FARS2: variants seen among roughly 807,000 people sequenced by gnomAD.
The protein encoded by FARS2 is phenylalanyl-tRNA synthetase 2, mitochondrial.
FARS2 carries 40 observed loss-of-function variants against 46.4 expected under a neutral mutation model. That is an observed-to-expected ratio of 0.86 (90% CI 0.67 to 1.12). FARS2 has a LOEUF of 1.12. Ranked by LOEUF, FARS2 falls within the 50% of genes most tolerant of loss-of-function variation. The pLI, the probability that FARS2 is intolerant of heterozygous loss-of-function variation, is 0.00. For missense variants in FARS2, 513 were observed against 567.9 expected (o/e 0.90, Z 0.98); for synonymous variants, 234 against 214.9 (o/e 1.09, Z -0.78).
intron 1 of FARS2, among the ~76,000 whole-genome samples, chr6:5,352,780 T>G (rs1411011790): frequency 6.6e-6 from 1 of 152,100 alleles, no homozygotes; most frequent in Non-Finnish European, 1.5e-5. Flanking sequence ...TAATTTTTAT[T>G]TTTATTTTAA....
intron 6 of FARS2, among the ~76,000 whole-genome samples, chr6:5,753,560 A>G (rs1036620344): frequency 2.0e-5 from 3 of 152,146 alleles, no homozygotes; most frequent in African/African-American, 4.8e-5. Context: ...TCAGTAACCC[A>G]GCCTCTCTTG....
At chr6:5,506,362 AG>A (rs1238706358) in intron 4 of FARS2, among the ~76,000 whole-genome samples, 1 of 152,224 alleles carries the variant, frequency 6.6e-6, no homozygotes, top group East Asian at 1.9e-4. Context: ...AGCAGAATAG[AG>A]GAACCCCACT....
chr6:5,722,353 T>A (rs537198288), intron 6 of FARS2, among the ~76,000 whole-genome samples: 1 of 152,220 alleles, frequency 6.6e-6, no homozygotes, highest in East Asian at 1.9e-4. Flanking sequence ...AGATATACAG[T>A]TTGACATAGA....
intron 4 of FARS2, among the ~76,000 whole-genome samples, chr6:5,436,656 A>G (rs909493742): frequency 1.3e-5 from 2 of 152,210 alleles, no homozygotes; most frequent in African/African-American, 4.8e-5. Context: ...GGATCAGTAG[A>G]GACTTCATAA....
chr6:5,421,479 T>C (rs1428943726), intron 3 of FARS2, among the ~76,000 whole-genome samples: 1 of 152,194 alleles, frequency 6.6e-6, no homozygotes, highest in Non-Finnish European at 1.5e-5. Context: ...CCAGTTTGAA[T>C]TTCTCCTCAG....
chr6:5,448,739 A>G (rs1048524526), intron 4 of FARS2, among the ~76,000 whole-genome samples: 1 of 152,252 alleles, frequency 6.6e-6, no homozygotes, highest in African/African-American at 2.4e-5. Flanking sequence ...ATCACACAGT[A>G]TATGCATTTA....
intron 1 of FARS2, among the ~76,000 whole-genome samples, chr6:5,266,127 A>G (rs962362705): frequency 1.2e-4 from 18 of 152,308 alleles, no homozygotes; most frequent in African/African-American, 3.6e-4. Context: ...TAGGTGGAAG[A>G]TGACTCACCC....
Position 5,512,336 on chromosome 6 carries a change from A to G in FARS2, c.905-32844A>G, listed in dbSNP as rs543663394. Among the ~76,000 whole-genome samples the G allele has an allele frequency of 2.0e-4, 31 of 152,250 alleles. 1 individual carries two copies. The East Asian group carries it at 4.3e-3, about 21-fold the overall frequency. On this transcript the variant is annotated intron_variant, in intron 4 of 6. Transcript: ENST00000274680. ...CTTTCCATTACCTGGTGCTACCTCT[A>G]TGCTACCTCAATCAATAGCAGCCAA... is the stretch of plus-strand genomic sequence containing the variant.
At chr6:5,382,033 T>C (rs1159614830) in intron 2 of FARS2, among the ~76,000 whole-genome samples, 1 of 152,230 alleles carries the variant, frequency 6.6e-6, no homozygotes, top group Non-Finnish European at 1.5e-5. Context: ...GCATGGGTCC[T>C]GCGGGGAGCA....
chr6:5,327,041 A>G (rs182245682), intron 1 of FARS2, among the ~76,000 whole-genome samples: 23 of 152,292 alleles, frequency 1.5e-4, no homozygotes, highest in African/African-American at 5.3e-4. Flanking sequence ...GTCGCTCACC[A>G]ATGGAGCTGG....
At chr6:5,602,730 G>A (rs1004219498) in intron 5 of FARS2, among the ~76,000 whole-genome samples, 1 of 151,184 alleles carries the variant, frequency 6.6e-6, no homozygotes, top group Non-Finnish European at 1.5e-5. Flanking sequence ...TTTCATATAC[G>A]GGGGCTAGGC....
At chr6:5,694,871 C>G (rs1204955965) in intron 6 of FARS2, 1 of 151,270 alleles carries the variant, frequency 6.6e-6, no homozygotes, top group Non-Finnish European at 1.5e-5. Context: ...GCCAAACTTG[C>G]TGGCACGCAC....
chr6:5,538,517 G>C (rs779299566), intron 4 of FARS2, among the ~76,000 whole-genome samples: 5 of 152,122 alleles, frequency 3.3e-5, no homozygotes, highest in African/African-American at 1.2e-4. Flanking sequence ...AATTTTGACC[G>C]ATTATGTAGC....
At chr6:5,401,088 G>A (rs980280569) in intron 2 of FARS2, among the ~76,000 whole-genome samples, 9 of 151,702 alleles carry the variant, frequency 5.9e-5, no homozygotes, top group Non-Finnish European at 1.3e-4. Context: ...GTCATGCTTT[G>A]TGGCCAGATT....
intron 5 of FARS2, among the ~76,000 whole-genome samples, chr6:5,566,818 C>T (rs1772349127): frequency 6.6e-6 from 1 of 152,166 alleles, no homozygotes; most frequent in Non-Finnish European, 1.5e-5. Context: ...TTGAACTTTA[C>T]AAAAAGTCCC....
intron 1 of FARS2, among the ~76,000 whole-genome samples, chr6:5,329,396 G>A (rs1770632384): frequency 1.3e-5 from 2 of 152,186 alleles, no homozygotes; most frequent in South Asian, 4.1e-4. Context: ...CATGGTTGAT[G>A]TGCTTTCAAC....
chr6:5,307,231 G>C (rs1285749168), intron 1 of FARS2, among the ~76,000 whole-genome samples: 1 of 152,108 alleles, frequency 6.6e-6, no homozygotes, highest in African/African-American at 2.4e-5. Flanking sequence ...TTATCAGTGG[G>C]GTGTGAGTGG....
intron 6 of FARS2, among the ~76,000 whole-genome samples, chr6:5,723,914 C>T (rs1298685052): frequency 6.6e-6 from 1 of 152,108 alleles, no homozygotes; most frequent in Non-Finnish European, 1.5e-5. Context: ...TGTGAGGGGC[C>T]CAGCTAGTAA....
At chr6:5,717,908 C>CTATATATATATATATATATATATATA (rs58922507) in intron 6 of FARS2, among the ~76,000 whole-genome samples, 3 of 77,720 alleles carry the variant, frequency 3.9e-5, no homozygotes, top group African/African-American at 1.2e-4. Flanking sequence ...AAGGTATCAG[C>CTATATATATATATATATATATATATA]TATATATATA....
Sources: allele counts gnomAD v4.1 joint callset (sites outside exome capture counted in the v4.1 genomes callset), GRCh38; gene constraint gnomAD v4.1.1; transcripts MANE v1.5; gene names NCBI Gene and HGNC (gene_info 2026-07-23, HGNC 2026-07-21).